Variants in DYRK3 observed in about 807,000 individuals in gnomAD.
DYRK3 encodes dual specificity tyrosine-phosphorylation-regulated kinase 3.
Under a neutral mutation model 40.8 loss-of-function variants are expected in DYRK3, and 30 were observed. The ratio of observed to expected loss-of-function variants is 0.74; its 90% confidence interval spans 0.55 to 1.00. DYRK3 has a LOEUF of 1.00. Ranked by LOEUF, DYRK3 falls within the 50% of genes least tolerant of loss-of-function variation. DYRK3 has a pLI of 0.00. For synonymous variants in DYRK3, 272 were observed against 260.7 expected, an observed-to-expected ratio of 1.04 and a Z score of -0.42; for missense variants, 699 against 731.5, an observed-to-expected ratio of 0.96 and a Z score of 0.51.
Position 206,647,576 on chromosome 1 carries a change from A to G in DYRK3, c.378A>G (p.Thr126=), listed in dbSNP as rs571191552. The change falls in exon 3 of 3, where the codon ACA becomes ACG. Residue 126 remains threonine, a synonymous_variant. Transcript: ENST00000367109. ...SQGKSSDCLN[T]VKSNSSSKAP... The stretch of plus-strand genomic sequence containing the variant: ...GTAAAAGTTCAGATTGCTTGAATAC[A>G]GTAAAATCCAACAGTTCATCCAAGG... The G allele has an allele frequency of 6.3e-5, 102 of 1,614,224 alleles. 1 individual carries two copies. In the South Asian group the frequency reaches 6.6e-4, roughly 10 times the overall value.
At chr1:206,647,366 A>G in intron 2 of DYRK3, 22 bp from the exon 3 acceptor site, 1 of 1,557,288 alleles carries the variant, frequency 6.4e-7, no homozygotes, top group Non-Finnish European at 8.7e-7. Flanking sequence ...TTAATGACTT[A>G]TATTCATTTT....
At position 206,649,001 on chromosome 1, in the gene DYRK3, AT is replaced by A. The variant is rs1553420937; in HGVS notation, c.*41del. 1.3e-6 allele frequency: 2 copies of A among 1,533,088 alleles called. No individual in the cohort carries two copies. The highest frequency in any genetic ancestry group is 2.7e-5 in the African/African-American group (2 of 72,898). 95.0% of individuals were successfully genotyped at this position (1,533,088 alleles called of 1,614,324 possible). On this transcript the variant is annotated 3_prime_UTR_variant, in exon 3 of 3. Transcript: ENST00000367109. The stretch of plus-strand genomic sequence containing the variant: ...TATGCCCAGAGATGCATATGTGTAT[AT>A]TTTTATGATCTTACAAACCTGCAAA...
rs1553420341 is a variant in DYRK3 at position 206,647,610 on chromosome 1, G to A, written c.412G>A (p.Val138Met). The A allele has an allele frequency of 6.2e-7, 1 of 1,614,182 alleles. No individual in the cohort carries two copies. The highest frequency in any genetic ancestry group is 8.5e-7 in the Non-Finnish European group (1 of 1,180,034). ...KSNSSSKAPK[V>M]VPLTPEQALK... ...CAACAGTTCATCCAAGGCACCCAAA[G>A]TGGTGCCTCTGACTCCAGAACAAGC... is the stretch of plus-strand genomic sequence containing the variant. Residue 138 changes from valine to methionine, a missense_variant, in exon 3 of 3, where the codon GTG (valine) becomes ATG (methionine). Transcript: ENST00000367109.
chr1:206,642,322 C>A (rs1222119314), intron 2 of DYRK3, among the ~76,000 whole-genome samples: 3 of 151,210 alleles, frequency 2.0e-5, no homozygotes, highest in Non-Finnish European at 2.9e-5. Flanking sequence ...CGCTTTTACA[C>A]TGTTGGTGGG....
At chr1:206,640,615 A>G (rs185447941) in intron 2 of DYRK3, among the ~76,000 whole-genome samples, 34 of 142,976 alleles carry the variant, frequency 2.4e-4, no homozygotes, top group African/African-American at 8.7e-4. Context: ...CAGTGGCACT[A>G]TCTCGGCTCA....
rs1553420511 is a variant in DYRK3, at chr1:206,647,996, T to C, written c.798T>C (p.Thr266=). ...AGCATCTTAAGAAACAGGATAAAAC[T>C]GGTAGTATGAACGTTATCCACATGC... is the stretch of plus-strand genomic sequence containing the variant. ...ILEHLKKQDK[T]GSMNVIHMLE... Residue 266 remains threonine (T), a synonymous_variant, in exon 3 of 3, where the codon ACT becomes ACC. Coordinates refer to ENST00000367109, the MANE Select transcript of DYRK3 (RefSeq NM_003582.4). 1.2e-6 allele frequency: 2 copies of C among 1,614,028 alleles called. No homozygotes were observed.
Position 206,635,615 on chromosome 1 carries a change from G to A in DYRK3, c.-89G>A. ...TCGAGAGTACCCGTGGGAGCGTCGC[G>A]CCGCGGAGGCAGCCGTCCCGGCGTA... On this transcript the variant is annotated 5_prime_UTR_variant, in exon 1 of 3. Coordinates refer to ENST00000367109, the MANE Select transcript of DYRK3 (RefSeq NM_003582.4). 2 of 1,232,924 alleles carry A rather than the reference G, an allele frequency of 1.6e-6. No individual in the cohort carries two copies. Among genetic ancestry groups the A allele is most frequent in the South Asian group, 4.1e-5 (1 of 24,596 alleles). 76.4% of individuals were successfully genotyped at this position (1,232,924 alleles called of 1,614,324 possible).
Position 206,648,500 on chromosome 1 carries a change from G to A in DYRK3, c.1302G>A (p.Glu434=). 1 of 1,614,164 alleles carries A rather than the reference G, an allele frequency of 6.2e-7. No homozygotes were observed. The highest frequency in any genetic ancestry group is 8.5e-7 in the Non-Finnish European group (1 of 1,180,028). Residue 434 remains glutamate, a synonymous_variant, in exon 3 of 3, where the codon GAG becomes GAA. Coordinates refer to ENST00000367109, the MANE Select transcript of DYRK3 (RefSeq NM_003582.4). ...GGATGCCACCACCAAAACTTCTGGA[G>A]CAATCCAAACGTGCCAAGTACTTTA... The part of the protein sequence containing the change: ...LLGMPPPKLL[E]QSKRAKYFIN...
chr1:206,647,538 A>G lies in DYRK3; in HGVS notation c.340A>G (p.Thr114Ala), dbSNP rs781804064. 1 of 1,614,172 alleles carries G rather than the reference A, an allele frequency of 6.2e-7. No individual in the cohort carries two copies. Among genetic ancestry groups the G allele is most frequent in the Non-Finnish European group, 8.5e-7 (1 of 1,180,032 alleles). ...GISDSEKCSP[T>A]VSQGKSSDCL... ...CAGTGACTCTGAAAAATGCTCTCCTACTGTTTCTCAGGGTAAAAGTTCAGA... is the reference window on the plus strand; with the variant it reads ...CAGTGACTCTGAAAAATGCTCTCCTGCTGTTTCTCAGGGTAAAAGTTCAGA... Residue 114 changes from threonine to alanine, a missense_variant, in exon 3 of 3, where the codon ACT becomes GCT. By Grantham distance (58) the Thr-to-Ala change is moderately conservative. Transcript: ENST00000367109.
Position 206,647,917 on chromosome 1 carries a change from T to C in DYRK3, c.719T>C (p.Val240Ala). The C allele has an allele frequency of 6.2e-7, 1 of 1,614,080 alleles. No individual in the cohort carries two copies. Among genetic ancestry groups the C allele is most frequent in the South Asian group, 1.1e-5 (1 of 91,078 alleles). ...CGACAGTACGTGGCCCTAAAAATGG[T>C]GCGCAATGAGAAGCGCTTTCATCGT... The part of the protein sequence containing the change: ...KLRQYVALKM[V>A]RNEKRFHRQA... Residue 240 changes from valine to alanine, a missense_variant, in exon 3 of 3, where the codon GTG becomes GCG. Coordinates refer to ENST00000367109, the MANE Select transcript of DYRK3 (RefSeq NM_003582.4).
chr1:206,644,069 C>G (rs1671378751), intron 2 of DYRK3, among the ~76,000 whole-genome samples: 1 of 119,926 alleles, frequency 8.3e-6, no homozygotes, highest in Non-Finnish European at 1.7e-5. Context: ...TAGTCTTGCC[C>G]TGTCGCCCAG....
At chr1:206,637,248 T>C (rs1488015362) in intron 1 of DYRK3, among the ~76,000 whole-genome samples, 1 of 152,226 alleles carries the variant, frequency 6.6e-6, no homozygotes, top group African/African-American at 2.4e-5. Context: ...GTGTTAGAGC[T>C]GAGATTAGAA....
At chr1:206,645,616 C>A (rs532726403) in intron 2 of DYRK3, among the ~76,000 whole-genome samples, 1 of 151,724 alleles carries the variant, frequency 6.6e-6, no homozygotes. Flanking sequence ...CAGGTTCAAG[C>A]GATTCTCCTG....
In DYRK3 at chr1:206,647,788, A is replaced by G. The variant is rs200726014; in HGVS notation, c.590A>G (p.Tyr197Cys). The change falls in exon 3 of 3, where the codon TAT becomes TGT. Residue 197 changes from tyrosine (Y) to cysteine (C), a missense_variant. By Grantham distance (194) the Tyr-to-Cys change is radical (BLOSUM62 -2). Coordinates refer to ENST00000367109, the MANE Select transcript of DYRK3 (RefSeq NM_003582.4). ...NGGYDDADGA[Y>C]IHVPRDHLAY... ...GGGTATGATGATGCAGATGGGGCCT[A>G]TATTCATGTACCTCGAGACCATCTA... The G allele has an allele frequency of 2.5e-6, 4 of 1,614,170 alleles. No homozygotes were observed. Among genetic ancestry groups the G allele is most frequent in the Non-Finnish European group, 3.4e-6 (4 of 1,180,026 alleles).
At chr1:206,642,242 C>G (rs1553419450) in intron 2 of DYRK3, among the ~76,000 whole-genome samples, 2 of 150,556 alleles carry the variant, frequency 1.3e-5, no homozygotes, top group Non-Finnish European at 2.9e-5. Context: ...CCATCTCACA[C>G]CAGTTAGAAT....
intron 2 of DYRK3, among the ~76,000 whole-genome samples, chr1:206,646,582 A>G (rs1553420155): frequency 6.6e-6 from 1 of 152,244 alleles, no homozygotes; most frequent in Non-Finnish European, 1.5e-5. Context: ...TCTTTAACTT[A>G]GAGCTTTTGT....
intron 2 of DYRK3, among the ~76,000 whole-genome samples, chr1:206,639,797 A>G (rs1189687381): frequency 6.6e-6 from 1 of 151,786 alleles, no homozygotes; most frequent in East Asian, 1.9e-4. Context: ...AGCCGATGCT[A>G]TTTACCTTCC....
intron 2 of DYRK3, among the ~76,000 whole-genome samples, chr1:206,646,287 A>G (rs1054229016): frequency 1.3e-5 from 2 of 152,162 alleles, no homozygotes; most frequent in Non-Finnish European, 2.9e-5. Context: ...AATTAATATT[A>G]ATTTTACTTA....
chr1:206,653,093 C>T lies in DYRK3; in HGVS notation c.*4128C>T, dbSNP rs1671673349. 6.6e-6 allele frequency among the ~76,000 whole-genome samples: 1 copy of T among 152,090 alleles called. No homozygotes were observed. Among genetic ancestry groups the T allele is most frequent in the Non-Finnish European group, 1.5e-5 (1 of 68,022 alleles). ...CTGGAGTGAAGTGGCGCAGTGTTGT[C>T]TGCAGCCTCAACCTCCCAGGCTCAG... On this transcript the variant is annotated 3_prime_UTR_variant, in exon 3 of 3. Transcript: ENST00000367109.
Sources: allele counts gnomAD v4.1 joint callset (sites outside exome capture counted in the v4.1 genomes callset), GRCh38; gene constraint gnomAD v4.1.1; transcripts MANE v1.5; gene names NCBI Gene and HGNC (gene_info 2026-07-23, HGNC 2026-07-21).